ZC3H12B: variants seen among roughly 807,000 people sequenced by gnomAD.
ZC3H12B encodes the protein zinc finger CCCH-type containing 12B.
A neutral mutation model predicts 43.9 loss-of-function variants in ZC3H12B; 7 were observed. That is an observed-to-expected ratio of 0.16 (90% CI 0.09 to 0.30). ZC3H12B has a LOEUF of 0.30. Among genes scored for constraint, ZC3H12B ranks in the 10% least tolerant of loss-of-function variants. The pLI, the probability that ZC3H12B is intolerant of heterozygous loss-of-function variation, is 1.00. For missense variants in ZC3H12B, 475 were observed against 670.2 expected (o/e 0.71, Z 3.22); for synonymous variants, 222 against 241.7 (o/e 0.92, Z 0.76).
the ZC3H12B span, among the ~76,000 whole-genome samples, chrX:65,261,197 TGTATA>T: frequency 9.0e-6 from 1 of 111,472 alleles, no homozygotes; most frequent in Non-Finnish European, 1.9e-5. Flanking sequence ...AAATAAAAAA[TGTATA>T]GTAACAGAGC....
intron 3 of ZC3H12B, among the ~76,000 whole-genome samples, chrX:65,439,023 C>T (rs896481345): frequency 1.2e-4 from 13 of 112,368 alleles, no homozygotes; most frequent in African/African-American, 4.2e-4. Context: ...GAGTCGGGAT[C>T]CACATCTGCA....
At chrX:65,289,245 A>AC in the ZC3H12B span, among the ~76,000 whole-genome samples, 1 of 111,160 alleles carries the variant, frequency 9.0e-6, no homozygotes, top group Non-Finnish European at 1.9e-5. Context: ...AAGAAAATTT[A>AC]AAAATTCACA....
upstream of ZC3H12B, among the ~76,000 whole-genome samples, chrX:65,364,676 C>A (rs982850967): frequency 1.6e-4 from 18 of 111,633 alleles, no homozygotes; most frequent in African/African-American, 5.6e-4. Context: ...CATTTCATAA[C>A]GTCTTCCTTG....
chrX:65,338,297 C>T, the ZC3H12B span, among the ~76,000 whole-genome samples: 149 of 111,411 alleles, frequency 1.3e-3, no homozygotes, highest in Non-Finnish European at 2.4e-3. Flanking sequence ...TCACAACCTT[C>T]CAAGATTGAA....
chrX:65,454,197 C>G (rs1478238045), intron 3 of ZC3H12B, among the ~76,000 whole-genome samples: 1 of 112,815 alleles, frequency 8.9e-6, no homozygotes, highest in Admixed American at 9.3e-5. Context: ...GAGGCATCAC[C>G]TCACCTGGGA....
chrX:65,459,433 A>T (rs1190874716), intron 3 of ZC3H12B, among the ~76,000 whole-genome samples: 1 of 111,777 alleles, frequency 8.9e-6, no homozygotes, highest in East Asian at 2.8e-4. Context: ...AATATCCCTG[A>T]TGAACATTGA....
At chrX:65,391,690 A>T (rs1273573778) in intron 2 of ZC3H12B, among the ~76,000 whole-genome samples, 3 of 111,121 alleles carry the variant, frequency 2.7e-5, no homozygotes. Context: ...CTTTCAATTG[A>T]TGCTGAAAAA....
chrX:65,155,119 G>A, the ZC3H12B span, among the ~76,000 whole-genome samples: 4 of 109,791 alleles, frequency 3.6e-5, no homozygotes, highest in East Asian at 1.2e-3. Context: ...ACCAAACCTG[G>A]CCACTTTTTT....
the ZC3H12B span, among the ~76,000 whole-genome samples, chrX:65,121,045 T>G: frequency 3.6e-5 from 4 of 111,181 alleles, no homozygotes; most frequent in African/African-American, 9.8e-5. Context: ...TGCAGGATTC[T>G]TTTTGCCAGT....
Position 65,388,681 on chromosome X carries a change from G to T in ZC3H12B, n.296-9912G>T, listed in dbSNP as rs766515062. Among the ~76,000 whole-genome samples, 12 of 111,955 alleles carry T rather than the reference G, an allele frequency of 1.1e-4. No individual in the cohort carries two copies. In the East Asian group the frequency reaches 3.1e-3, roughly 29 times the overall value. On this transcript the variant is annotated intron_variant and non_coding_transcript_variant, in intron 2 of 5. Transcript: ENST00000617377. ...TCCATCCGGGTTTGTTCCATTGCTGGTGAGGAGCTGCATTCCTTTGGAGGA... is the reference window on the plus strand; with the variant it reads ...TCCATCCGGGTTTGTTCCATTGCTGTTGAGGAGCTGCATTCCTTTGGAGGA...
At chrX:65,165,615 T>A in the ZC3H12B span, among the ~76,000 whole-genome samples, 1 of 112,498 alleles carries the variant, frequency 8.9e-6, no homozygotes, top group Non-Finnish European at 1.9e-5. Context: ...TCCCTACAAA[T>A]GACATGAACT....
At chrX:65,265,314 C>T in the ZC3H12B span, among the ~76,000 whole-genome samples, 1 of 111,642 alleles carries the variant, frequency 9.0e-6, no homozygotes, top group Admixed American at 9.5e-5. Flanking sequence ...TACAGTGGGT[C>T]TAAGAAAATA....
the ZC3H12B span, among the ~76,000 whole-genome samples, chrX:65,322,061 C>G: frequency 2.7e-5 from 3 of 111,567 alleles, no homozygotes; most frequent in East Asian, 8.5e-4. Context: ...AAAACAGCAA[C>G]AACAAGCAGC....
chrX:65,103,194 C>T, the ZC3H12B span, among the ~76,000 whole-genome samples: 1 of 111,235 alleles, frequency 9.0e-6, no homozygotes, highest in Non-Finnish European at 1.9e-5. Flanking sequence ...GACAGACATT[C>T]CCAGAGTGGC....
chrX:65,469,528 C>G, intron 3 of ZC3H12B: 1 of 327,248 alleles, frequency 3.1e-6, no homozygotes. Context: ...CAGCATGTTG[C>G]TCTCGTGCTT....
At chrX:65,317,161 T>C in the ZC3H12B span, among the ~76,000 whole-genome samples, 1 of 109,910 alleles carries the variant, frequency 9.1e-6, no homozygotes, top group African/African-American at 3.3e-5. Context: ...TTTAGAGACA[T>C]ACGAAGAGAC....
chrX:65,118,322 C>A, the ZC3H12B span, among the ~76,000 whole-genome samples: 2 of 111,392 alleles, frequency 1.8e-5, no homozygotes, highest in Non-Finnish European at 3.8e-5. Flanking sequence ...CTCTTTGAAG[C>A]AATTGTGAAT....
At chrX:65,248,875 A>T in the ZC3H12B span, among the ~76,000 whole-genome samples, 77 of 111,884 alleles carry the variant, frequency 6.9e-4, no homozygotes, top group African/African-American at 2.5e-3. Flanking sequence ...ATTTGTATAT[A>T]TTCTTTTGAA....
At chrX:65,494,642 ATGTTGGCGTGCGTT>A (rs907773921) in intron 1 of ZC3H12B, among the ~76,000 whole-genome samples, 4 of 109,064 alleles carry the variant, frequency 3.7e-5, no homozygotes, top group African/African-American at 1.0e-4. Flanking sequence ...TTAGCTGGGC[ATGTTGGCGTGCGTT>A]TGTAATCCCA....
Sources: allele counts gnomAD v4.1 joint callset (sites outside exome capture counted in the v4.1 genomes callset), GRCh38; gene constraint gnomAD v4.1.1; transcripts MANE v1.5; gene names NCBI Gene and HGNC (gene_info 2026-07-23, HGNC 2026-07-21).